Variants in PSMB7 observed in about 807,000 individuals in gnomAD.
The protein encoded by PSMB7 is proteasome subunit beta type-7.
Under a neutral mutation model 28.1 loss-of-function variants are expected in PSMB7, and 5 were observed. The ratio of observed to expected loss-of-function variants is 0.18; its 90% confidence interval spans 0.09 to 0.37. The LOEUF (loss-of-function observed/expected upper bound fraction) is 0.37, where lower values mean the gene tolerates loss of function less well. PSMB7 is among the 10% of genes least tolerant of loss of function. PSMB7 has a pLI of 1.00. For synonymous variants in PSMB7, 122 were observed against 123.7 expected, an observed-to-expected ratio of 0.99 and a Z score of 0.09; for missense variants, 275 against 346.2, an observed-to-expected ratio of 0.79 and a Z score of 1.63.
chr9:124,378,048 C>A (rs1830630958), intron 6 of PSMB7, among the ~76,000 whole-genome samples: 1 of 152,244 alleles, frequency 6.6e-6, no homozygotes, highest in South Asian at 2.1e-4. Context: ...GTCTTCATTT[C>A]TTTAAGTTGA....
chr9:124,383,545 G>A (rs982411773), intron 6 of PSMB7: 7 of 152,284 alleles, frequency 4.6e-5, no homozygotes, highest in Admixed American at 4.6e-4. Flanking sequence ...AGGGCAGAGA[G>A]AGCTTCAGAG....
intron 6 of PSMB7, among the ~76,000 whole-genome samples, chr9:124,360,397 C>T (rs1830454387): frequency 6.6e-6 from 1 of 152,196 alleles, no homozygotes; most frequent in African/African-American, 2.4e-5. Flanking sequence ...AGCATCTGCC[C>T]GGGGACAGCT....
At chr9:124,353,970 C>T (rs546838244) in intron 7 of PSMB7, among the ~76,000 whole-genome samples, 4 of 152,292 alleles carry the variant, frequency 2.6e-5, no homozygotes, top group African/African-American at 9.6e-5. Flanking sequence ...TCTCCCCCCA[C>T]CCCACCATCC....
intron 6 of PSMB7, chr9:124,384,205 G>A (rs568955465): frequency 1.1e-5 from 2 of 174,310 alleles, no homozygotes; most frequent in East Asian, 1.5e-4. Flanking sequence ...TTCAGGTCAC[G>A]TCTCTGTAAC....
chr9:124,412,146 T>C (rs1051094087), intron 4 of PSMB7, among the ~76,000 whole-genome samples: 1 of 152,120 alleles, frequency 6.6e-6, no homozygotes, highest in African/African-American at 2.4e-5. Context: ...TGACATGTGA[T>C]TTACTCATGA....
Position 124,412,377 on chromosome 9 carries a change from G to C in PSMB7, c.370C>G (p.Arg124Gly). 1 of 1,614,070 alleles carries C rather than the reference G, an allele frequency of 6.2e-7. No homozygotes were observed. The highest frequency in any genetic ancestry group is 8.5e-7 in the Non-Finnish European group (1 of 1,179,954). ...GRLPRVVTAN[R>G]MLKQMLFRYQ... ...CTGAAAAGCATCTGCTTCAGCATCC[G>C]ATTGGCTGTCACAACTCTGGGAAGA... is the stretch of plus-strand genomic sequence containing the variant. The change falls in exon 4 of 8, where the codon CGG becomes GGG. Residue 124 changes from arginine (R) to glycine (G), a missense_variant. This residue lies in a region of PSMB7 where 213 missense variants were observed against 302.4 expected (regional missense o/e 0.70). Transcript: ENST00000259457.
At chr9:124,399,054 AC>A (rs1304325875) in intron 5 of PSMB7, among the ~76,000 whole-genome samples, 1 of 2,902 alleles carries the variant, frequency 3.4e-4, no homozygotes, top group African/African-American at 4.4e-4. Flanking sequence ...CATTTACAAC[AC>A]TTTACAGCTA....
At chr9:124,387,114 T>C (rs62581778) in intron 5 of PSMB7, among the ~76,000 whole-genome samples, 117 of 152,050 alleles carry the variant, frequency 7.7e-4, no homozygotes, top group Admixed American at 2.3e-3. Flanking sequence ...AGCATGGTGG[T>C]GGGCGCCTGT....
chr9:124,356,543 T>C lies in PSMB7; in HGVS notation c.722+221A>G, dbSNP rs1055796182. Among the ~76,000 whole-genome samples, 1 of 152,070 alleles carries C rather than the reference T, an allele frequency of 6.6e-6. No homozygotes were observed. The highest frequency in any genetic ancestry group is 2.4e-5 in the African/African-American group (1 of 41,402). On this transcript the variant is annotated intron_variant, in intron 7 of 7. Coordinates refer to ENST00000259457, the MANE Select transcript of PSMB7 (RefSeq NM_002799.4). The surrounding 1 kb of genome is among the most constrained non-coding windows in gnomAD (Gnocchi z 4.4). ...CCTAGGGCTCTTTCCTGGGCCACCC[T>C]CCACCTCTCCCATCAAATTAAATCA... is the stretch of plus-strand genomic sequence containing the variant.
rs1295001364 is a variant in PSMB7 at position 124,415,352 on chromosome 9, G to A, written c.62+12C>T. On this transcript the variant is annotated intron_variant, in intron 1 of 7. Coordinates refer to ENST00000259457, the MANE Select transcript of PSMB7 (RefSeq NM_002799.4). Reference sequence around the variant, plus strand: ...TCTCCCTCCCTGAACCAAGCCCCAAGCAAGGCGGCACCTGCGGCAGTTATC... The same window carrying A: ...TCTCCCTCCCTGAACCAAGCCCCAAACAAGGCGGCACCTGCGGCAGTTATC... 6 of 1,613,574 alleles carry A rather than the reference G, an allele frequency of 3.7e-6. No individual in the cohort carries two copies. The highest frequency in any genetic ancestry group is 4.2e-6 in the Non-Finnish European group (5 of 1,179,792).
intron 5 of PSMB7, among the ~76,000 whole-genome samples, chr9:124,402,965 G>A (rs1830927502): frequency 1.3e-5 from 2 of 152,122 alleles, no homozygotes; most frequent in South Asian, 2.1e-4. Flanking sequence ...AACCTTGTAA[G>A]AGGCTAGATA....
intron 5 of PSMB7, among the ~76,000 whole-genome samples, chr9:124,402,773 G>C (rs1044436208): frequency 2.0e-5 from 3 of 152,184 alleles, no homozygotes; most frequent in Non-Finnish European, 4.4e-5. Flanking sequence ...AAAGGTATCA[G>C]ATGGGGAGAA....
chr9:124,414,581 A>G (rs977134773), intron 2 of PSMB7, among the ~76,000 whole-genome samples: 2 of 151,386 alleles, frequency 1.3e-5, no homozygotes, highest in Non-Finnish European at 2.9e-5. Context: ...AGCTTCCTAA[A>G]CTAGTAATTA....
chr9:124,359,746 C>G (rs559032737), intron 6 of PSMB7, among the ~76,000 whole-genome samples: 93 of 152,298 alleles, frequency 6.1e-4, no homozygotes, highest in African/African-American at 2.1e-3. Context: ...CTGGGCCAAC[C>G]AGCAGCTCCT....
At chr9:124,369,175 C>G (rs1248009242) in intron 6 of PSMB7, among the ~76,000 whole-genome samples, 1 of 152,152 alleles carries the variant, frequency 6.6e-6, no homozygotes, top group Non-Finnish European at 1.5e-5. Flanking sequence ...AAAATCTGTA[C>G]CACTAGGTGG....
intron 5 of PSMB7, among the ~76,000 whole-genome samples, chr9:124,404,530 T>C (rs529096902): frequency 1.1e-4 from 17 of 152,284 alleles, no homozygotes; most frequent in Admixed American, 5.2e-4. Flanking sequence ...TCAGCATCCC[T>C]AATCCAAAAA....
chr9:124,405,584 G>A, intron 4 of PSMB7, 152 bp from the exon 5 acceptor site: 1 of 593,914 alleles, frequency 1.7e-6, no homozygotes, highest in South Asian at 2.1e-5. Context: ...ACAAAAAAGG[G>A]AAGGGAACAT....
intron 5 of PSMB7, among the ~76,000 whole-genome samples, chr9:124,397,789 G>A (rs1251463416): frequency 2.6e-5 from 4 of 152,184 alleles, no homozygotes; most frequent in Non-Finnish European, 5.9e-5. Flanking sequence ...ATGTTCCATG[G>A]AGGCATTTCA....
intron 5 of PSMB7, among the ~76,000 whole-genome samples, chr9:124,389,499 G>A (rs1176892635): frequency 6.6e-6 from 1 of 152,110 alleles, no homozygotes. Context: ...TGGCTACCTA[G>A]TCCCCTCAGA....
Sources: gnomAD v4.1 joint callset for allele counts (sites outside exome capture counted in the v4.1 genomes callset) on GRCh38, gnomAD v4.1.1 for gene constraint, gnomAD v4.1.1 regional missense constraint, Gnocchi (gnomAD v3.1) non-coding constraint, MANE v1.5 for transcripts, NCBI Gene and HGNC (gene_info 2026-07-23, HGNC 2026-07-21) for gene names.